EBF1: variants seen among roughly 807,000 people sequenced by gnomAD.
The protein encoded by EBF1 is transcription factor COE1.
A neutral mutation model predicts 68.4 loss-of-function variants in EBF1; 10 were observed. The ratio of observed to expected loss-of-function variants is 0.15; its 90% CI spans 0.09 to 0.25. The LOEUF (loss-of-function observed/expected upper bound fraction) is 0.25, where lower values mean the gene tolerates loss of function less well. Among genes scored for constraint, EBF1 ranks in the 10% least tolerant of loss-of-function variants. The probability of loss-of-function intolerance (pLI) is 1.00; values close to 1 mark genes in which losing one functional copy is unlikely to be tolerated. For missense variants in EBF1, 509 were observed against 794.4 expected, an observed-to-expected ratio of 0.64 and a Z score of 4.32; for synonymous variants, 298 against 299.8, an observed-to-expected ratio of 0.99 and a Z score of 0.06.
At chr5:158,702,287 G>C (rs1756917482) in intron 15 of EBF1, among the ~76,000 whole-genome samples, 1 of 152,010 alleles carries the variant, frequency 6.6e-6, no homozygotes, top group Non-Finnish European at 1.5e-5. Context: ...AGAGGGATGG[G>C]TGTCTGGAGC....
intron 6 of EBF1, among the ~76,000 whole-genome samples, chr5:158,924,816 G>A (rs1464009548): frequency 1.6e-5 from 2 of 128,270 alleles, no homozygotes; most frequent in Admixed American, 1.9e-4. Context: ...TCGCGCCACT[G>A]CACTCCAGCC....
intron 10 of EBF1, among the ~76,000 whole-genome samples, chr5:158,752,971 T>C (rs1332412171): frequency 2.0e-5 from 3 of 152,020 alleles, no homozygotes; most frequent in African/African-American, 4.8e-5. Context: ...AACAAGAAAA[T>C]AGAAAGAAAG....
intron 6 of EBF1, among the ~76,000 whole-genome samples, chr5:159,024,054 A>G (rs1767239402): frequency 6.6e-6 from 1 of 152,192 alleles, no homozygotes; most frequent in East Asian, 1.9e-4. Flanking sequence ...TTTGAAGGCC[A>G]GAACCTTATC....
intron 6 of EBF1, among the ~76,000 whole-genome samples, chr5:158,961,459 T>C (rs1818169365): frequency 6.6e-6 from 1 of 152,202 alleles, no homozygotes; most frequent in African/African-American, 2.4e-5. Context: ...GATGTAACGC[T>C]GTGCAACTAT....
intron 10 of EBF1, among the ~76,000 whole-genome samples, chr5:158,769,326 C>A (rs1285503759): frequency 6.6e-6 from 1 of 152,110 alleles, no homozygotes; most frequent in East Asian, 1.9e-4. Context: ...CTTATTAACT[C>A]TGGGTAGACA....
chr5:158,965,273 T>C (rs1176166032), intron 6 of EBF1, among the ~76,000 whole-genome samples: 1 of 152,172 alleles, frequency 6.6e-6, no homozygotes, highest in Admixed American at 6.5e-5. Context: ...TAGGTGGAGA[T>C]TCAAATCTCC....
At chr5:158,953,722 AG>A (rs1816507745) in intron 6 of EBF1, among the ~76,000 whole-genome samples, 2 of 152,098 alleles carry the variant, frequency 1.3e-5, no homozygotes, top group African/African-American at 4.8e-5. Context: ...GAGATTTGTA[AG>A]GGTAGAGATT....
intron 6 of EBF1, among the ~76,000 whole-genome samples, chr5:158,947,959 C>A (rs940334424): frequency 6.6e-6 from 1 of 152,152 alleles, no homozygotes; most frequent in African/African-American, 2.4e-5. Flanking sequence ...TGGTATTTAC[C>A]TCCAGCACTG....
chr5:159,092,100 C>T (rs1781754400), intron 4 of EBF1, among the ~76,000 whole-genome samples: 1 of 152,198 alleles, frequency 6.6e-6, no homozygotes, highest in African/African-American at 2.4e-5. Context: ...TCAAATACTA[C>T]ATGAAAATCT....
chr5:158,870,426 G>T (rs1225123161), intron 6 of EBF1, among the ~76,000 whole-genome samples: 1 of 152,198 alleles, frequency 6.6e-6, no homozygotes, highest in Non-Finnish European at 1.5e-5. Flanking sequence ...GCTCAAGCTT[G>T]TATTACCAGC....
chr5:158,819,555 CAATGACTCCCCAGAACACAGTCTTCAT>C (rs1784413807), intron 8 of EBF1, among the ~76,000 whole-genome samples: 1 of 152,144 alleles, frequency 6.6e-6, no homozygotes, highest in South Asian at 2.1e-4. Context: ...TCAGGCCCCT[CAATGACTCCCCAGAACACAGTCTTCAT>C]GAACTTGCCC....
At chr5:158,774,873 A>G (rs1409805384) in intron 10 of EBF1, among the ~76,000 whole-genome samples, 1 of 152,098 alleles carries the variant, frequency 6.6e-6, no homozygotes, top group Non-Finnish European at 1.5e-5. Flanking sequence ...TGATGTCACA[A>G]TAACTGTTAA....
At chr5:158,851,482 A>C (rs1792669028) in intron 6 of EBF1, among the ~76,000 whole-genome samples, 1 of 78,600 alleles carries the variant, frequency 1.3e-5, no homozygotes, top group Admixed American at 1.3e-4. Flanking sequence ...GAGAGAAGGG[A>C]AGGGGAGGAA....
intron 6 of EBF1, among the ~76,000 whole-genome samples, chr5:158,843,464 C>T (rs867139562): frequency 1.2e-4 from 18 of 152,266 alleles, no homozygotes; most frequent in African/African-American, 3.1e-4. Context: ...AAAGCTATGC[C>T]GGGCACACAC....
At chr5:158,915,236 G>C (rs1484338383) in intron 6 of EBF1, among the ~76,000 whole-genome samples, 1 of 152,232 alleles carries the variant, frequency 6.6e-6, no homozygotes, top group African/African-American at 2.4e-5. Context: ...CAGCCACCGG[G>C]ATGATGATCT....
chr5:159,031,570 G>T (rs191350327), intron 6 of EBF1, among the ~76,000 whole-genome samples: 118 of 152,336 alleles, frequency 7.7e-4, no homozygotes, highest in Non-Finnish European at 6.8e-4. Flanking sequence ...GATGGAGCTG[G>T]GAGAAGGGGA....
chr5:158,762,999 C>G (rs1771822070), intron 10 of EBF1, among the ~76,000 whole-genome samples: 1 of 152,198 alleles, frequency 6.6e-6, no homozygotes, highest in East Asian at 1.9e-4. Context: ...GCCAGGAACA[C>G]AGCACAGATC....
intron 6 of EBF1, among the ~76,000 whole-genome samples, chr5:158,917,707 G>A (rs866610471): frequency 6.6e-6 from 1 of 152,334 alleles, no homozygotes; most frequent in South Asian, 2.1e-4. Flanking sequence ...CAAATATGGA[G>A]TAAATATTCC....
chr5:158,717,644 T>TA (rs946524808), intron 11 of EBF1, among the ~76,000 whole-genome samples: 6 of 151,226 alleles, frequency 4.0e-5, no homozygotes, highest in African/African-American at 1.5e-4. Context: ...TTTTTTTTTT[T>TA]AAAAATCCCT....
Sources: allele counts gnomAD v4.1 joint callset (sites outside exome capture counted in the v4.1 genomes callset), GRCh38; gene constraint gnomAD v4.1.1; transcripts MANE v1.5; gene names NCBI Gene and HGNC (gene_info 2026-07-23, HGNC 2026-07-21).